Variants in ACOXL observed in about 807,000 individuals in gnomAD.
ACOXL encodes the protein acyl-CoA oxidase like.
A neutral mutation model predicts 71.9 loss-of-function variants in ACOXL; 70 were observed. The ratio of observed to expected loss-of-function variants is 0.97; its 90% CI spans 0.80 to 1.19. The LOEUF is 1.19. Ranked by LOEUF, ACOXL falls within the 50% of genes most tolerant of loss-of-function variation. The pLI is 0.00. For synonymous variants in ACOXL, 253 were observed against 281.6 expected (o/e 0.90, Z 1.02); for missense variants, 703 against 736.3 (o/e 0.95, Z 0.52).
chr2:110,768,513 T>TGTGTGTGTGTGAGAGAGAGA (rs397975396), intron 2 of ACOXL, 49 bp downstream of exon 2: 7 of 928,514 alleles, frequency 7.5e-6, no homozygotes, highest in South Asian at 6.9e-5. Context: ...TGTGTGTGTG[T>TGTGTGTGTGTGAGAGAGAGA]GAGAGAGAGA....
chr2:111,077,625 A>C (rs2067666538), intron 16 of ACOXL, among the ~76,000 whole-genome samples: 1 of 152,198 alleles, frequency 6.6e-6, no homozygotes, highest in Non-Finnish European at 1.5e-5. Context: ...ATTTGCTGGC[A>C]ACAAATTCTG....
intron 1 of ACOXL, among the ~76,000 whole-genome samples, chr2:110,758,458 A>G (rs1679981235): frequency 6.6e-6 from 1 of 152,158 alleles, no homozygotes; most frequent in Admixed American, 6.5e-5. Flanking sequence ...TGTGAATAGC[A>G]TTGAATCTAT....
chr2:110,963,612 T>A (rs1256728049), intron 12 of ACOXL: 2 of 1,612,000 alleles, frequency 1.2e-6, no homozygotes, highest in Admixed American at 3.3e-5. Context: ...TGTTTTTCTC[T>A]TTCTGCAACA....
At chr2:111,011,940 T>C (rs192118283) in intron 14 of ACOXL, among the ~76,000 whole-genome samples, 29 of 151,406 alleles carry the variant, frequency 1.9e-4, no homozygotes, top group African/African-American at 6.8e-4. Flanking sequence ...AAGTCATTTT[T>C]TGATTATTAA....
At chr2:110,999,920 G>T (rs183878133) in intron 14 of ACOXL, among the ~76,000 whole-genome samples, 2 of 152,080 alleles carry the variant, frequency 1.3e-5, no homozygotes, top group East Asian at 1.9e-4. Flanking sequence ...GGATTCCCAG[G>T]CTTCAGAAAC....
chr2:111,054,551 A>G (rs974746754), intron 16 of ACOXL, among the ~76,000 whole-genome samples: 13 of 152,194 alleles, frequency 8.5e-5, no homozygotes, highest in African/African-American at 2.9e-4. Flanking sequence ...TGGGGGCTGA[A>G]TGCTGCTGGA....
chr2:110,820,047 C>T (rs1411949770), intron 9 of ACOXL, among the ~76,000 whole-genome samples: 1 of 152,192 alleles, frequency 6.6e-6, no homozygotes, highest in Non-Finnish European at 1.5e-5. Flanking sequence ...GTGCCTGACA[C>T]TCAGGGGCTC....
chr2:110,916,119 C>G (rs1427668611), intron 11 of ACOXL, among the ~76,000 whole-genome samples: 1 of 151,934 alleles, frequency 6.6e-6, no homozygotes, highest in African/African-American at 2.4e-5. Flanking sequence ...TTGTTCACTT[C>G]TTCACTAATT....
rs2070471912 is a variant in ACOXL at position 111,117,924 on chromosome 2, A to G, written c.*108A>G. 30 of 1,301,724 alleles carry G rather than the reference A, an allele frequency of 2.3e-5. No homozygotes were observed. The South Asian group carries it at 4.4e-4, about 19-fold the overall frequency. 80.6% of individuals were successfully genotyped at this position (1,301,724 alleles called of 1,614,324 possible). A position where few individuals can be genotyped will look rare whatever the true frequency, so the allele number is the denominator to read the frequency against. ...GGGGGCTGGCACCCGCTGGGCCGCC[A>G]CTCTCGGGGATTTTGGTGGCAAAGC... On this transcript the variant is annotated 3_prime_UTR_variant, in exon 18 of 18. Transcript: ENST00000439055.
At chr2:110,807,851 G>A (rs183614041) in intron 9 of ACOXL, among the ~76,000 whole-genome samples, 2 of 152,244 alleles carry the variant, frequency 1.3e-5, no homozygotes, top group East Asian at 3.9e-4. Flanking sequence ...AAATGGATCC[G>A]TTTCTCCTAC....
chr2:110,915,215 T>C (rs966225577), intron 11 of ACOXL, among the ~76,000 whole-genome samples: 1 of 151,802 alleles, frequency 6.6e-6, no homozygotes, highest in Non-Finnish European at 1.5e-5. Context: ...GACACAATTT[T>C]TCTTTCTCTA....
At chr2:111,057,610 A>G (rs1463283864) in intron 16 of ACOXL, among the ~76,000 whole-genome samples, 1 of 152,184 alleles carries the variant, frequency 6.6e-6, no homozygotes, top group Non-Finnish European at 1.5e-5. Flanking sequence ...GGGAAGGCAG[A>G]GGGGTTCCCT....
intron 12 of ACOXL, chr2:110,963,501 C>A: frequency 7.6e-7 from 1 of 1,309,132 alleles, no homozygotes; most frequent in Non-Finnish European, 9.8e-7. Flanking sequence ...TTTCAATTTT[C>A]TGTATATTTT....
rs1261415717 is a variant in ACOXL at position 111,118,499 on chromosome 2, T to C, written c.*683T>C. Among the ~76,000 whole-genome samples, 4 of 151,994 alleles carry C rather than the reference T, an allele frequency of 2.6e-5. No homozygotes were observed. Among genetic ancestry groups the C allele is most frequent in the Non-Finnish European group, 4.4e-5 (3 of 67,910 alleles). ...ACCATCTGACGCTGTAGTCTGTCCT[T>C]TAGAAGAGAATAGGTGAAAAGTTTA... On this transcript the variant is annotated 3_prime_UTR_variant, in exon 18 of 18. Transcript: ENST00000439055.
At chr2:111,032,180 A>G (rs2065302140) in intron 15 of ACOXL, among the ~76,000 whole-genome samples, 1 of 152,188 alleles carries the variant, frequency 6.6e-6, no homozygotes, top group South Asian at 2.1e-4. Flanking sequence ...AAACTGGGTC[A>G]ACCTTCTAAA....
intron 16 of ACOXL, among the ~76,000 whole-genome samples, chr2:111,060,148 G>T (rs2066737464): frequency 6.6e-6 from 1 of 152,116 alleles, no homozygotes; most frequent in Non-Finnish European, 1.5e-5. Flanking sequence ...TCTCCACTTG[G>T]CAGTAATGAG....
intron 7 of ACOXL, among the ~76,000 whole-genome samples, chr2:110,800,163 C>T (rs530029793): frequency 2.1e-4 from 32 of 152,324 alleles, no homozygotes; most frequent in Non-Finnish European, 3.1e-4. Context: ...CTCACTCTTT[C>T]GGTCTGTGCC....
At chr2:111,045,137 C>A (rs1483162816) in intron 15 of ACOXL, among the ~76,000 whole-genome samples, 1 of 152,184 alleles carries the variant, frequency 6.6e-6, no homozygotes, top group Non-Finnish European at 1.5e-5. Flanking sequence ...CGCCAAGAGT[C>A]CCTTAGGGAG....
intron 16 of ACOXL, among the ~76,000 whole-genome samples, chr2:111,073,309 C>A (rs1428012852): frequency 6.6e-6 from 1 of 152,040 alleles, no homozygotes; most frequent in Non-Finnish European, 1.5e-5. Flanking sequence ...GCTTTTGATG[C>A]CAAACCTAAG....
Sources: gnomAD v4.1 joint callset for allele counts (sites outside exome capture counted in the v4.1 genomes callset) on GRCh38, gnomAD v4.1.1 for gene constraint, MANE v1.5 for transcripts, NCBI Gene and HGNC (gene_info 2026-07-23, HGNC 2026-07-21) for gene names.